MYLK4: variants seen among roughly 807,000 people sequenced by gnomAD.
MYLK4 encodes myosin light chain kinase family member 4, also known as caMLCK like.
MYLK4 carries 46 observed loss-of-function variants against 48.1 expected under a neutral mutation model. That is an observed-to-expected ratio of 0.96 (90% CI 0.75 to 1.22). MYLK4 has a LOEUF of 1.22. Among genes scored for constraint, MYLK4 ranks in the 50% most tolerant of loss-of-function variants. The pLI is 0.00. For synonymous variants in MYLK4, 170 were observed against 180.8 expected, an observed-to-expected ratio of 0.94 and a Z score of 0.48; for missense variants, 451 against 486.1, an observed-to-expected ratio of 0.93 and a Z score of 0.68.
the MYLK4 span, among the ~76,000 whole-genome samples, chr6:2,764,713 C>A: frequency 3.3e-5 from 5 of 152,164 alleles, no homozygotes; most frequent in Non-Finnish European, 4.4e-5. Flanking sequence ...GCTGGTGTTT[C>A]CGATTTGCCA....
chr6:2,675,673 G>A (rs933531509), intron 10 of MYLK4, among the ~76,000 whole-genome samples: 6 of 151,992 alleles, frequency 3.9e-5, no homozygotes, highest in Non-Finnish European at 8.8e-5. Context: ...AGCCAGCAAA[G>A]GTTTATAAGA....
At chr6:2,745,131 G>A (rs1481475509) in intron 2 of MYLK4, among the ~76,000 whole-genome samples, 1 of 152,190 alleles carries the variant, frequency 6.6e-6, no homozygotes, top group Non-Finnish European at 1.5e-5. Context: ...GGAAAGCAGT[G>A]AGAAGCACGC....
the MYLK4 span, among the ~76,000 whole-genome samples, chr6:2,763,374 C>G: frequency 1.3e-5 from 2 of 152,204 alleles, no homozygotes; most frequent in African/African-American, 4.8e-5. Flanking sequence ...GCCCTGGGTG[C>G]CGTGAGGCAG....
chr6:2,763,842 A>G, the MYLK4 span, among the ~76,000 whole-genome samples: 3 of 129,196 alleles, frequency 2.3e-5, no homozygotes, highest in African/African-American at 8.5e-5. Flanking sequence ...CTGCTGAGGG[A>G]CAAATGAAAA....
intron 2 of MYLK4, among the ~76,000 whole-genome samples, chr6:2,715,609 G>A (rs954693913): frequency 6.6e-6 from 1 of 152,098 alleles, no homozygotes; most frequent in Non-Finnish European, 1.5e-5. Context: ...TAGGGGAAAG[G>A]AGCATCTCCC....
chr6:2,699,003 C>T (rs1423766510), intron 2 of MYLK4, among the ~76,000 whole-genome samples: 1 of 152,192 alleles, frequency 6.6e-6, no homozygotes, highest in African/African-American at 2.4e-5. Context: ...CTGCTGATGA[C>T]ATCAGGTGGA....
chr6:2,727,925 C>T (rs994525463), intron 2 of MYLK4, among the ~76,000 whole-genome samples: 22 of 134,220 alleles, frequency 1.6e-4, no homozygotes, highest in Non-Finnish European at 2.6e-4. Context: ...CCAGCCTGGG[C>T]GACTGAGCAG....
chr6:2,685,134 T>C lies in MYLK4; in HGVS notation c.545+162A>G, dbSNP rs9503251. On this transcript the variant is annotated intron_variant, in intron 6 of 12. Coordinates refer to ENST00000274643, the MANE Select transcript of MYLK4 (RefSeq NM_001012418.5). The surrounding 1 kb of genome is among the most constrained non-coding windows in gnomAD (Gnocchi z 4.5). Reference sequence around the variant, plus strand: ...ATATGGAGATTTGTAACCCCAAGTGTTTCCCTTCTAGAACTGATGTGATTG... The same window carrying C: ...ATATGGAGATTTGTAACCCCAAGTGCTTCCCTTCTAGAACTGATGTGATTG... Among the ~76,000 whole-genome samples the C allele has an allele frequency of 9.0e-3, 1,370 of 152,320 alleles. 21 individuals carry two copies. Among genetic ancestry groups the C allele is most frequent in the African/African-American group, 0.03 (1,267 of 41,570 alleles).
At chr6:2,668,929 G>A (rs190412720) in intron 12 of MYLK4, among the ~76,000 whole-genome samples, 4 of 152,034 alleles carry the variant, frequency 2.6e-5, no homozygotes, top group East Asian at 1.9e-4. Context: ...TTAGCCAGGC[G>A]TGGTGGTGAA....
At chr6:2,676,518 C>A (rs1750578156) in intron 10 of MYLK4, among the ~76,000 whole-genome samples, 1 of 152,196 alleles carries the variant, frequency 6.6e-6, no homozygotes, top group African/African-American at 2.4e-5. Flanking sequence ...TTAACAATAA[C>A]ATTGTACTAA....
At chr6:2,694,552 T>TGGCGGCG (rs1761971063) in intron 2 of MYLK4, among the ~76,000 whole-genome samples, 2 of 128,428 alleles carry the variant, frequency 1.6e-5, no homozygotes, top group Non-Finnish European at 3.4e-5. Flanking sequence ...GTTGTGGTGG[T>TGGCGGCG]AGTCGTGGTG....
In MYLK4 at chr6:2,672,979, T is replaced by C. The variant is rs1760960492; in HGVS notation, c.1120-1631A>G. ...TATAATTATAGCTGTAATAACTAGA[T>C]TTATAAAATGAAATTTATTTTTCAT... On this transcript the variant is annotated intron_variant, in intron 11 of 12. Coordinates refer to ENST00000274643, the MANE Select transcript of MYLK4 (RefSeq NM_001012418.5). The surrounding 1 kb of genome is among the most constrained non-coding windows in gnomAD (Gnocchi z 4.3). 1.3e-5 allele frequency among the ~76,000 whole-genome samples: 2 copies of C among 152,316 alleles called. No homozygotes were observed. The highest frequency in any genetic ancestry group is 3.9e-4 in the East Asian group (2 of 5,192).
chr6:2,694,209 T>A (rs1455938388), intron 2 of MYLK4, among the ~76,000 whole-genome samples: 1 of 152,010 alleles, frequency 6.6e-6, no homozygotes, highest in African/African-American at 2.4e-5. Context: ...TCTCTTTAAG[T>A]GAAAGTCCAG....
At chr6:2,719,891 A>T (rs1763005825) in intron 2 of MYLK4, among the ~76,000 whole-genome samples, 1 of 152,186 alleles carries the variant, frequency 6.6e-6, no homozygotes, top group Admixed American at 6.5e-5. Flanking sequence ...TAATCCCAAC[A>T]CTTTGGGAGG....
chr6:2,690,056 G>A (rs1462370026), intron 3 of MYLK4, among the ~76,000 whole-genome samples: 1 of 152,150 alleles, frequency 6.6e-6, no homozygotes, highest in Non-Finnish European at 1.5e-5. Flanking sequence ...TCTCCTGCAG[G>A]CTGTTAGACT....
At chr6:2,762,178 G>A in the MYLK4 span, among the ~76,000 whole-genome samples, 1 of 152,070 alleles carries the variant, frequency 6.6e-6, no homozygotes, top group Non-Finnish European at 1.5e-5. Flanking sequence ...CCAAACTGCT[G>A]GGATTACCGG....
chr6:2,765,704 C>G, the MYLK4 span: 1 of 1,546,206 alleles, frequency 6.5e-7, no homozygotes, highest in Non-Finnish European at 8.7e-7. Flanking sequence ...GCAGATGATG[C>G]CCGCCGCGCA....
At chr6:2,749,576 T>C (rs1037747709) in intron 1 of MYLK4, among the ~76,000 whole-genome samples, 170 bp from the exon 2 acceptor site, 3 of 152,312 alleles carry the variant, frequency 2.0e-5, no homozygotes, top group East Asian at 1.9e-4. Context: ...ATTGGAACTT[T>C]AAAAGGAAAA....
At chr6:2,688,248 G>C (rs1446995467) in intron 4 of MYLK4, among the ~76,000 whole-genome samples, 1 of 151,900 alleles carries the variant, frequency 6.6e-6, no homozygotes, top group African/African-American at 2.4e-5. Flanking sequence ...TAATAGAGAC[G>C]GGGTTTCACC....
Sources: allele counts gnomAD v4.1 joint callset (sites outside exome capture counted in the v4.1 genomes callset), GRCh38; gene constraint gnomAD v4.1.1; non-coding constraint Gnocchi (gnomAD v3.1); transcripts MANE v1.5; gene names NCBI Gene and HGNC (gene_info 2026-07-23, HGNC 2026-07-21).